Variants in NR2C2 observed in about 807,000 individuals in gnomAD.
NR2C2 encodes Nuclear hormone receptor TR4.
A neutral mutation model predicts 62.9 loss-of-function variants in NR2C2; 6 were observed. The observed-to-expected ratio is 0.10, with a 90% CI of 0.05 to 0.19. The LOEUF is 0.19. Ranked by LOEUF, NR2C2 falls within the 10% of genes least tolerant of loss-of-function variation. The probability of loss-of-function intolerance (pLI) is 1.00; values close to 1 mark genes in which losing one functional copy is unlikely to be tolerated. For synonymous variants in NR2C2, 272 were observed against 273.8 expected, an observed-to-expected ratio of 0.99 and a Z score of 0.07; for missense variants, 479 against 762.7, an observed-to-expected ratio of 0.63 and a Z score of 4.38.
intron 1 of NR2C2, among the ~76,000 whole-genome samples, chr3:14,950,578 T>A (rs1233112086): frequency 6.9e-6 from 1 of 144,530 alleles, no homozygotes; most frequent in Non-Finnish European, 1.5e-5. Context: ...CATCACTTCT[T>A]CAGGGAAGTC....
At chr3:15,017,205 T>A (rs563256323) in intron 4 of NR2C2, among the ~76,000 whole-genome samples, 3 of 152,270 alleles carry the variant, frequency 2.0e-5, no homozygotes, top group South Asian at 2.1e-4. Context: ...AGCTCCAGTT[T>A]CCCTTCCATG....
At chr3:14,987,092 A>G (rs923531507) in intron 1 of NR2C2, among the ~76,000 whole-genome samples, 6 of 150,172 alleles carry the variant, frequency 4.0e-5, no homozygotes, top group African/African-American at 1.5e-4. Context: ...TTTATTTTTT[A>G]TTTTATTTGA....
At chr3:14,990,503 CAGAG>C (rs1341821440) in intron 1 of NR2C2, among the ~76,000 whole-genome samples, 1 of 152,206 alleles carries the variant, frequency 6.6e-6, no homozygotes, top group Non-Finnish European at 1.5e-5. Flanking sequence ...AGCTGGGTCA[CAGAG>C]AGGGCATCTT....
chr3:15,034,529 A>T (rs2042056871), intron 10 of NR2C2, 141 bp from the exon 11 acceptor site: 1 of 712,688 alleles, frequency 1.4e-6, no homozygotes, highest in African/African-American at 1.8e-5. Flanking sequence ...CTTTTCTTGA[A>T]GAATGATCCT....
At chr3:15,000,820 T>C (rs2040969911) in intron 1 of NR2C2, among the ~76,000 whole-genome samples, 1 of 150,096 alleles carries the variant, frequency 6.7e-6, no homozygotes, top group South Asian at 2.1e-4. Context: ...TTAGGTTTTT[T>C]TTTTTTTTTT....
rs2039384046 is a variant in NR2C2, at chr3:14,952,151, G to A, written c.-40+4245G>A. Reference sequence around the variant, plus strand: ...GAAAGGCCTGGCTTCAGAACCTGGAGTTGGTAGCCTCTCTGAGGCTTATAA... The same window carrying A: ...GAAAGGCCTGGCTTCAGAACCTGGAATTGGTAGCCTCTCTGAGGCTTATAA... On this transcript the variant is annotated intron_variant, in intron 1 of 13. Coordinates refer to ENST00000425241, the MANE Select transcript of NR2C2 (RefSeq NM_001291694.2). 2.6e-5 allele frequency among the ~76,000 whole-genome samples: 4 copies of A among 152,388 alleles called. No homozygotes were observed. The South Asian group carries it at 8.3e-4, about 32-fold the overall frequency.
chr3:15,036,048 G>A (rs1482665227), intron 11 of NR2C2, among the ~76,000 whole-genome samples: 1 of 151,490 alleles, frequency 6.6e-6, no homozygotes, highest in African/African-American at 2.4e-5. Context: ...AAATTAGCCG[G>A]GCATGGTGGC....
intron 1 of NR2C2, among the ~76,000 whole-genome samples, chr3:14,981,176 A>C (rs978077529): frequency 2.0e-5 from 3 of 152,226 alleles, no homozygotes; most frequent in African/African-American, 7.2e-5. Context: ...TTTAGTCTTA[A>C]CATAAAGCCA....
At chr3:15,018,544 A>G (rs1575012308) in intron 4 of NR2C2, among the ~76,000 whole-genome samples, 2 of 152,276 alleles carry the variant, frequency 1.3e-5, no homozygotes, top group South Asian at 4.1e-4. Flanking sequence ...GCAAATCACC[A>G]CATGAGGTAT....
At chr3:15,014,445 G>A (rs183688534) in intron 3 of NR2C2, among the ~76,000 whole-genome samples, 9 of 152,056 alleles carry the variant, frequency 5.9e-5, no homozygotes, top group Admixed American at 5.9e-4. Flanking sequence ...TGAGCATGGA[G>A]CATGCTTCGT....
intron 5 of NR2C2, 101 bp downstream of exon 5, chr3:15,021,033 G>GA: frequency 8.5e-7 from 1 of 1,171,318 alleles, no homozygotes; most frequent in Non-Finnish European, 1.2e-6. Context: ...AATACTTTAA[G>GA]AAAAAAATAT....
At chr3:14,974,057 C>A (rs1424015948) in intron 1 of NR2C2, among the ~76,000 whole-genome samples, 3 of 152,160 alleles carry the variant, frequency 2.0e-5, no homozygotes, top group Non-Finnish European at 2.9e-5. Flanking sequence ...TTTCATCTTG[C>A]TAAAACTGAA....
At chr3:15,004,204 A>G (rs1312732564) in intron 2 of NR2C2, among the ~76,000 whole-genome samples, 1 of 152,240 alleles carries the variant, frequency 6.6e-6, no homozygotes, top group Non-Finnish European at 1.5e-5. Context: ...AACCATTGAG[A>G]TAAAGTACCA....
rs1484428405 is a variant in NR2C2 at position 15,016,147 on chromosome 3, C to T, written c.274-5C>T. ...CACCCCTGTTCGTTTCCTGATTTCT[C>T]TCAGATTGTCACGGATTCTGCCTCT... is the stretch of plus-strand genomic sequence containing the variant. On this transcript the variant is annotated splice_polypyrimidine_tract_variant and splice_region_variant and intron_variant, in intron 3 of 13. Coordinates refer to ENST00000425241, the MANE Select transcript of NR2C2 (RefSeq NM_001291694.2). The T allele has an allele frequency of 1.9e-6, 3 of 1,612,046 alleles. No homozygotes were observed. The Admixed American group carries it at 5.0e-5, about 27-fold the overall frequency.
intron 1 of NR2C2, among the ~76,000 whole-genome samples, chr3:14,980,047 T>C (rs2040320341): frequency 6.6e-6 from 1 of 151,786 alleles, no homozygotes; most frequent in Admixed American, 6.6e-5. Context: ...GTCCCCACTG[T>C]AGAATTTCCT....
intron 1 of NR2C2, among the ~76,000 whole-genome samples, chr3:14,982,470 C>A (rs1574959403): frequency 2.0e-5 from 3 of 152,172 alleles, no homozygotes; most frequent in East Asian, 1.9e-4. Context: ...CATATTGAGT[C>A]TTCCGATCCA....
Position 15,003,903 on chromosome 3 carries a change from G to A in NR2C2, c.-12G>A, listed in dbSNP as rs1490309870. The A allele has an allele frequency of 6.2e-7, 1 of 1,613,862 alleles. No homozygotes were observed. Among genetic ancestry groups the A allele is most frequent in the Admixed American group, 1.7e-5 (1 of 59,988 alleles). On this transcript the variant is annotated 5_prime_UTR_variant, in exon 2 of 14. Coordinates refer to ENST00000425241, the MANE Select transcript of NR2C2 (RefSeq NM_001291694.2). ...AACACGTACACAGACCTCTCGGCCG[G>A]AATCTCCAGGGATGACCAGCCCCTC... is the stretch of plus-strand genomic sequence containing the variant.
intron 4 of NR2C2, among the ~76,000 whole-genome samples, chr3:15,018,137 T>TA (rs2041562936): frequency 1.3e-5 from 2 of 152,152 alleles, no homozygotes; most frequent in South Asian, 4.2e-4. Flanking sequence ...TAGCTGGGAC[T>TA]ATAGGTGTCT....
rs540774234 is a variant in NR2C2, at chr3:15,023,978, C to T, written c.705-137C>T. The T allele has an allele frequency of 4.0e-5, 26 of 657,904 alleles. No individual in the cohort carries two copies. The African/African-American group carries it at 4.3e-4, about 11-fold the overall frequency. The allele number at this position is 657,904 out of a possible 1,614,324, so 40.8% of individuals were successfully genotyped here. A position where few individuals can be genotyped will look rare whatever the true frequency, so the allele number is the denominator to read the frequency against. On this transcript the variant is annotated intron_variant, in intron 6 of 13. Transcript: ENST00000425241. ...CAGGGGTGGGGGTTCTGCTTAGTCACTAAGCGGCTGAGTCTACTTAGAGCT... is the reference window on the plus strand; with the variant it reads ...CAGGGGTGGGGGTTCTGCTTAGTCATTAAGCGGCTGAGTCTACTTAGAGCT...
Sources: gnomAD v4.1 joint callset for allele counts (sites outside exome capture counted in the v4.1 genomes callset) on GRCh38, gnomAD v4.1.1 for gene constraint, MANE v1.5 for transcripts, NCBI Gene and HGNC (gene_info 2026-07-23, HGNC 2026-07-21) for gene names.